The following CSNK1G2 variants were observed in gnomAD, a reference collection of about 807,000 sequenced individuals.
The protein encoded by CSNK1G2 is casein kinase I isoform gamma-2.
CSNK1G2 carries 11 observed loss-of-function variants against 48.0 expected under a neutral mutation model. That is an observed-to-expected ratio of 0.23 (90% CI 0.14 to 0.38). The LOEUF (loss-of-function observed/expected upper bound fraction) is 0.38, where lower values mean the gene tolerates loss of function less well. Among genes scored for constraint, CSNK1G2 ranks in the 10% least tolerant of loss-of-function variants. The pLI is 1.00. For synonymous variants in CSNK1G2, 337 were observed against 254.1 expected, an observed-to-expected ratio of 1.33 and a Z score of -3.10; for missense variants, 446 against 595.5, an observed-to-expected ratio of 0.75 and a Z score of 2.61.
chr19:1,977,289 G>A (rs2015791385), intron 2 of CSNK1G2, among the ~76,000 whole-genome samples: 1 of 152,230 alleles, frequency 6.6e-6, no homozygotes, highest in South Asian at 2.1e-4. Flanking sequence ...CTCCAGGGCC[G>A]TGTGCCTGCA....
At position 1,979,343 on chromosome 19, in the gene CSNK1G2, C is replaced by G; in HGVS notation, c.793C>G (p.Gln265Glu). The change falls in exon 8 of 12, where the codon CAG becomes GAG. Residue 265 changes from glutamine (Q) to glutamate (E), a missense_variant. This residue lies in a region of CSNK1G2 where 258 missense variants were observed against 415.9 expected (regional missense o/e 0.62). Coordinates refer to ENST00000255641, the MANE Select transcript of CSNK1G2 (RefSeq NM_001319.7). ...GGCCGACACGCTCAAGGAGCGGTAC[C>G]AGAAGATCGGGGACACCAAACGCGC... The part of the protein sequence containing the change: ...LKADTLKERY[Q>E]KIGDTKRATP... The G allele has an allele frequency of 6.2e-7, 1 of 1,605,802 alleles. No individual in the cohort carries two copies. The highest frequency in any genetic ancestry group is 8.5e-7 in the Non-Finnish European group (1 of 1,177,216).
intron 1 of CSNK1G2, among the ~76,000 whole-genome samples, chr19:1,950,122 T>TTATTTATTTATA (rs1444142816): frequency 6.6e-6 from 1 of 151,278 alleles, no homozygotes; most frequent in African/African-American, 2.4e-5. Context: ...TTTATTTATT[T>TTATTTATTTATA]TATTTATTTA....
At chr19:1,975,191 A>G (rs2015711343) in intron 2 of CSNK1G2, 1 of 985,368 alleles carries the variant, frequency 1.0e-6, no homozygotes, top group Non-Finnish European at 1.2e-6. Flanking sequence ...GACGCTGCCA[A>G]GAGCATGAGG....
chr19:1,957,037 C>G lies in CSNK1G2; in HGVS notation c.-265-12471C>G, dbSNP rs1049876027. 6.6e-6 allele frequency among the ~76,000 whole-genome samples: 1 copy of G among 152,166 alleles called. No individual in the cohort carries two copies. Among genetic ancestry groups the G allele is most frequent in the Non-Finnish European group, 1.5e-5 (1 of 68,026 alleles). ...GAGGGAAGGCTGGTGGTGGCGCCCC[C>G]CTTCGACGGTCGTGCCCTGATGCTG... On this transcript the variant is annotated intron_variant, in intron 1 of 11. Transcript: ENST00000255641. The surrounding 1 kb of genome is among the most constrained non-coding windows in gnomAD (Gnocchi z 5.4).
chr19:1,965,339 T>C (rs531839538), intron 1 of CSNK1G2, among the ~76,000 whole-genome samples: 4 of 148,810 alleles, frequency 2.7e-5, no homozygotes, highest in South Asian at 2.2e-4. Context: ...GCCGAGATTG[T>C]GCCACTGCAC....
chr19:1,980,994 C>G lies in CSNK1G2; in HGVS notation c.*791C>G, dbSNP rs979893253. The G allele has an allele frequency of 1.3e-5, 2 of 152,272 alleles. No homozygotes were observed. The highest frequency in any genetic ancestry group is 2.9e-5 in the Non-Finnish European group (2 of 68,062). The allele number at this position is 152,272 out of a possible 1,614,324, so 9.4% of individuals were successfully genotyped here. A position where few individuals can be genotyped will look rare whatever the true frequency, so the allele number is the denominator to read the frequency against. ...GGTTGGTGTCACCCTGCTCGGCCCT[C>G]AGCCCTGCCGCGTGGGGCGCGTGGG... On this transcript the variant is annotated 3_prime_UTR_variant, in exon 12 of 12. Coordinates refer to ENST00000255641, the MANE Select transcript of CSNK1G2 (RefSeq NM_001319.7).
chr19:1,977,328 C>T (rs1207688328), intron 2 of CSNK1G2, among the ~76,000 whole-genome samples: 1 of 152,218 alleles, frequency 6.6e-6, no homozygotes, highest in Non-Finnish European at 1.5e-5. Context: ...TCTAGGCTCA[C>T]CCCTCGGGTG....
rs945842045 is a variant in CSNK1G2 at position 1,957,748 on chromosome 19, C to G, written c.-265-11760C>G. ...GGCGGCATTTGAGCAGCTGCCAGAT[C>G]TCCCCTGGAAACACTGGGGTGTGTG... On this transcript the variant is annotated intron_variant, in intron 1 of 11. Transcript: ENST00000255641. The surrounding 1 kb of genome is among the most constrained non-coding windows in gnomAD (Gnocchi z 5.4). 6.6e-6 allele frequency among the ~76,000 whole-genome samples: 1 copy of G among 151,894 alleles called. No individual in the cohort carries two copies. Among genetic ancestry groups the G allele is most frequent in the Admixed American group, 6.6e-5 (1 of 15,254 alleles).
At chr19:1,946,289 T>A (rs111284486) in intron 1 of CSNK1G2, among the ~76,000 whole-genome samples, 4 of 143,874 alleles carry the variant, frequency 2.8e-5, no homozygotes, top group Admixed American at 2.1e-4. Context: ...TTTATTTATT[T>A]TTTATTTATT....
intron 1 of CSNK1G2, among the ~76,000 whole-genome samples, chr19:1,956,171 G>A (rs1385794895): frequency 6.6e-6 from 1 of 152,140 alleles, no homozygotes; most frequent in South Asian, 2.1e-4. Flanking sequence ...ACGAGGGGCC[G>A]GGGGTCGCAC....
At chr19:1,946,394 C>T (rs2145495977) in intron 1 of CSNK1G2, among the ~76,000 whole-genome samples, 1 of 150,542 alleles carries the variant, frequency 6.6e-6, no homozygotes, top group South Asian at 2.1e-4. Context: ...TGGGTTCACG[C>T]CATTCTCCTG....
Position 1,979,080 on chromosome 19 carries a change from G to A in CSNK1G2, c.669G>A (p.Thr223=). ...CGGCGCGCTACATGAGCATCAACAC[G>A]CACCTGGGCAAGGGTGAGCTGCGCG... ...TGTARYMSIN[T]HLGKEQSRRD... Residue 223 remains threonine (T), a synonymous_variant, in exon 6 of 12, where the codon ACG becomes ACA. Coordinates refer to ENST00000255641, the MANE Select transcript of CSNK1G2 (RefSeq NM_001319.7). 2 of 1,598,890 alleles carry A rather than the reference G, an allele frequency of 1.3e-6. No individual in the cohort carries two copies. Among genetic ancestry groups the A allele is most frequent in the South Asian group, 1.1e-5 (1 of 91,034 alleles).
intron 1 of CSNK1G2, among the ~76,000 whole-genome samples, chr19:1,947,073 A>G (rs1225972218): frequency 6.6e-6 from 1 of 152,260 alleles, no homozygotes; most frequent in African/African-American, 2.4e-5. Flanking sequence ...TTTAAAAGGC[A>G]GAGAAAATCT....
chr19:1,947,669 A>G (rs992027840), intron 1 of CSNK1G2, among the ~76,000 whole-genome samples: 3 of 152,160 alleles, frequency 2.0e-5, no homozygotes, highest in African/African-American at 7.2e-5. Context: ...GGCCCTGGCC[A>G]CGTGCAGGCC....
intron 1 of CSNK1G2, among the ~76,000 whole-genome samples, chr19:1,950,140 A>G (rs1019545590): frequency 3.3e-5 from 5 of 151,184 alleles, no homozygotes; most frequent in Admixed American, 3.3e-4. Context: ...TTATATATTT[A>G]TTTATATATT....
intron 8 of CSNK1G2, 34 bp from the exon 9 acceptor site, chr19:1,979,461 C>A (rs780374626): frequency 6.0e-6 from 9 of 1,488,750 alleles, no homozygotes. Flanking sequence ...CCACCCCCAC[C>A]CCCGCCGAGG....
intron 1 of CSNK1G2, among the ~76,000 whole-genome samples, chr19:1,964,700 A>G (rs1467547555): frequency 2.0e-5 from 3 of 151,006 alleles, no homozygotes; most frequent in African/African-American, 7.3e-5. Context: ...CACTTTTGAG[A>G]CCTATTGTTC....
chr19:1,980,483 A>C lies in CSNK1G2; in HGVS notation c.*280A>C, dbSNP rs1291246711. On this transcript the variant is annotated 3_prime_UTR_variant, in exon 12 of 12. Coordinates refer to ENST00000255641, the MANE Select transcript of CSNK1G2 (RefSeq NM_001319.7). Reference sequence around the variant, plus strand: ...AAACAAGGAAAAGAGGAAAAAAAAAACAGAGGCCCGCCCTACCCCACTCCT... The same window carrying C: ...AAACAAGGAAAAGAGGAAAAAAAAACCAGAGGCCCGCCCTACCCCACTCCT... 8.1e-6 allele frequency: 4 copies of C among 495,292 alleles called. No homozygotes were observed. The highest frequency in any genetic ancestry group is 4.0e-5 in the African/African-American group (2 of 50,306). The allele number at this position is 495,292 out of a possible 1,614,324, so 30.7% of individuals were successfully genotyped here. A position where few individuals can be genotyped will look rare whatever the true frequency, so the allele number is the denominator to read the frequency against.
chr19:1,953,814 A>T (rs531153500), intron 1 of CSNK1G2: 1 of 519,566 alleles, frequency 1.9e-6, no homozygotes, highest in African/African-American at 1.9e-5. Flanking sequence ...CTGTACCGCG[A>T]TCACCTGTGG....
Sources: allele counts gnomAD v4.1 joint callset (sites outside exome capture counted in the v4.1 genomes callset), GRCh38; gene constraint gnomAD v4.1.1; regional missense constraint gnomAD v4.1.1; non-coding constraint Gnocchi (gnomAD v3.1); transcripts MANE v1.5; gene names NCBI Gene and HGNC (gene_info 2026-07-23, HGNC 2026-07-21).